FAM110B: variants seen among roughly 807,000 people sequenced by gnomAD.
FAM110B encodes family with sequence similarity 110 member B.
FAM110B carries 6 observed loss-of-function variants against 20.4 expected under a neutral mutation model. That is an observed-to-expected ratio of 0.29 (90% CI 0.16 to 0.58). FAM110B has a LOEUF of 0.58. Ranked by LOEUF, FAM110B falls within the 20% of genes least tolerant of loss-of-function variation. The pLI, the probability that FAM110B is intolerant of heterozygous loss-of-function variation, is 0.90. For missense variants in FAM110B, 434 were observed against 498.2 expected, an observed-to-expected ratio of 0.87 and a Z score of 1.23; for synonymous variants, 226 against 214.1, an observed-to-expected ratio of 1.06 and a Z score of -0.49.
At chr8:58,140,423 C>T (rs1191529590) in intron 3 of FAM110B, among the ~76,000 whole-genome samples, 2 of 152,158 alleles carry the variant, frequency 1.3e-5, no homozygotes, top group South Asian at 2.1e-4. Context: ...ATCTGAGGCA[C>T]GAGAAGATAA....
intron 3 of FAM110B, among the ~76,000 whole-genome samples, chr8:58,120,013 C>T (rs2174727): frequency 0.28 from 43,107 of 152,030 alleles, 7,522 homozygotes; most frequent in African/African-American, 0.49. Flanking sequence ...AAATTCATAC[C>T]TTCAGTCAAC....
intron 2 of FAM110B, among the ~76,000 whole-genome samples, chr8:58,058,688 T>C (rs975700294): frequency 2.6e-5 from 4 of 152,154 alleles, no homozygotes; most frequent in African/African-American, 9.6e-5. Context: ...ATATGCTACA[T>C]TTAAATAAGA....
chr8:58,082,597 C>T (rs115887775), intron 3 of FAM110B, among the ~76,000 whole-genome samples: 132 of 152,260 alleles, frequency 8.7e-4, no homozygotes, highest in African/African-American at 3.2e-3. Context: ...CTCTAATAGA[C>T]TATAAGCAAG....
rs537986428 is a variant in FAM110B, at chr8:58,074,099, C to T, written c.-413-1436C>T. On this transcript the variant is annotated intron_variant, in intron 2 of 3. Coordinates refer to ENST00000519262, the MANE Select transcript of FAM110B (RefSeq NM_001377989.1). ...ATGCGCAGGCTTTACTTTTCCCACCCTCCGGACCCCACCCCACTGCCTAAG... is the reference window on the plus strand; with the variant it reads ...ATGCGCAGGCTTTACTTTTCCCACCTTCCGGACCCCACCCCACTGCCTAAG... Among the ~76,000 whole-genome samples, 7 of 152,304 alleles carry T rather than the reference C, an allele frequency of 4.6e-5. No homozygotes were observed. The East Asian group carries it at 1.4e-3, about 29-fold the overall frequency.
At chr8:58,100,664 C>T (rs1191937726) in intron 3 of FAM110B, among the ~76,000 whole-genome samples, 2 of 152,264 alleles carry the variant, frequency 1.3e-5, no homozygotes, top group African/African-American at 2.4e-5. Flanking sequence ...GTGTCTGTGT[C>T]CAAATTGCCC....
At chr8:58,005,637 C>T (rs73681726) in intron 1 of FAM110B, among the ~76,000 whole-genome samples, 3,052 of 152,196 alleles carry the variant, frequency 0.02, 105 homozygotes, top group African/African-American at 0.066. Context: ...TCGTTGATAC[C>T]CCTTTCCTCC....
intron 1 of FAM110B, among the ~76,000 whole-genome samples, chr8:58,028,285 A>G (rs1231490955): frequency 6.6e-6 from 1 of 152,080 alleles, no homozygotes; most frequent in East Asian, 1.9e-4. Flanking sequence ...TTGTATTTTT[A>G]GTAGAGACGG....
At chr8:58,020,009 T>C (rs1402530409) in intron 1 of FAM110B, among the ~76,000 whole-genome samples, 6 of 152,150 alleles carry the variant, frequency 3.9e-5, no homozygotes, top group Admixed American at 1.3e-4. Flanking sequence ...ACTTAATTTT[T>C]TTCCAGTTGC....
In FAM110B at chr8:58,146,640, A is replaced by C. The variant is rs1345757465; in HGVS notation, c.410A>C (p.His137Pro). ...GAGGGCTCTAGCTCGGGCTCGGGGC[A>C]CAAGCACAGCTCCCGCAACTGGCCG... ...SSEGSSSGSGHKHSSRNWPPH... is the reference protein window; with the variant it reads ...SSEGSSSGSGPKHSSRNWPPH... Residue 137 changes from histidine to proline, a missense_variant, in exon 4 of 4, where the codon CAC becomes CCC. His to Pro is a moderately conservative substitution (Grantham distance 77). Coordinates refer to ENST00000519262, the MANE Select transcript of FAM110B (RefSeq NM_001377989.1). 2 of 1,613,482 alleles carry C rather than the reference A, an allele frequency of 1.2e-6. No individual in the cohort carries two copies. Among genetic ancestry groups the C allele is most frequent in the Non-Finnish European group, 1.7e-6 (2 of 1,179,802 alleles).
chr8:58,012,857 G>A (rs957091912), intron 1 of FAM110B, among the ~76,000 whole-genome samples: 2 of 152,200 alleles, frequency 1.3e-5, no homozygotes, highest in Admixed American at 6.5e-5. Flanking sequence ...TGGCTCCAGA[G>A]CTTGGGGTCC....
chr8:58,030,120 A>C (rs1469337385), intron 1 of FAM110B, among the ~76,000 whole-genome samples: 1 of 152,250 alleles, frequency 6.6e-6, no homozygotes, highest in Non-Finnish European at 1.5e-5. Flanking sequence ...GGGCCCAAAT[A>C]TATTTTAAAT....
chr8:58,068,584 T>A (rs955230515), intron 2 of FAM110B, among the ~76,000 whole-genome samples: 2 of 102,226 alleles, frequency 2.0e-5, no homozygotes, highest in African/African-American at 9.1e-5. Flanking sequence ...TTTGTAAAGT[T>A]TTTTAGCTAA....
chr8:58,081,638 C>T (rs73682132), intron 3 of FAM110B, among the ~76,000 whole-genome samples: 2 of 152,238 alleles, frequency 1.3e-5, no homozygotes, highest in African/African-American at 4.8e-5. Flanking sequence ...TCAAAGTCAG[C>T]GTCTGTTATT....
At chr8:58,022,895 G>A (rs953152532) in intron 1 of FAM110B, among the ~76,000 whole-genome samples, 2 of 152,342 alleles carry the variant, frequency 1.3e-5, no homozygotes, top group Non-Finnish European at 2.9e-5. Context: ...CAGAAAAACA[G>A]TGTGGGAAAG....
intron 3 of FAM110B, among the ~76,000 whole-genome samples, chr8:58,136,615 C>G (rs1425016883): frequency 6.6e-6 from 1 of 152,122 alleles, no homozygotes; most frequent in Non-Finnish European, 1.5e-5. Flanking sequence ...TGATTCTTGG[C>G]ACTGGTTATG....
Position 58,146,356 on chromosome 8 carries a change from G to T in FAM110B, c.126G>T (p.Glu42Asp). 1 of 1,614,050 alleles carries T rather than the reference G, an allele frequency of 6.2e-7. No individual in the cohort carries two copies. Among genetic ancestry groups the T allele is most frequent in the South Asian group, 1.1e-5 (1 of 91,084 alleles). ...CAGACTACTTCCGCAGGCAGGCCGA[G>T]CCCAACCCCAAGAGGCTCAGCGCCG... is the stretch of plus-strand genomic sequence containing the variant. ...KGPDYFRRQA[E>D]PNPKRLSAVE... Residue 42 changes from glutamate (E) to aspartate (D), a missense_variant, in exon 4 of 4, where the codon GAG becomes GAT. Coordinates refer to ENST00000519262, the MANE Select transcript of FAM110B (RefSeq NM_001377989.1).
At chr8:58,068,444 G>A (rs894755485) in intron 2 of FAM110B, among the ~76,000 whole-genome samples, 1 of 152,122 alleles carries the variant, frequency 6.6e-6, no homozygotes, top group African/African-American at 2.4e-5. Flanking sequence ...TCACTGGTTT[G>A]TTTCCCAACA....
At chr8:58,145,296 A>G (rs1585923900) in intron 3 of FAM110B, among the ~76,000 whole-genome samples, 1 of 151,654 alleles carries the variant, frequency 6.6e-6, no homozygotes, top group Admixed American at 6.6e-5. Context: ...CCAAAGTAAG[A>G]TAACTGAAAC....
chr8:58,135,908 G>A (rs531936465), intron 3 of FAM110B, among the ~76,000 whole-genome samples: 3 of 151,594 alleles, frequency 2.0e-5, no homozygotes, highest in South Asian at 2.1e-4. Flanking sequence ...TATAATCACC[G>A]AGTTCATTGA....
Sources: allele counts gnomAD v4.1 joint callset (sites outside exome capture counted in the v4.1 genomes callset), GRCh38; gene constraint gnomAD v4.1.1; transcripts MANE v1.5; gene names NCBI Gene and HGNC (gene_info 2026-07-23, HGNC 2026-07-21).